Variants in IGF1R observed in about 807,000 individuals in gnomAD.
The protein encoded by IGF1R is insulin like growth factor 1 receptor.
In IGF1R, 44 loss-of-function variants were observed where a neutral mutation model predicts 144.6. That is an observed-to-expected ratio of 0.30 (90% CI 0.24 to 0.39). IGF1R has a LOEUF of 0.39. IGF1R is among the 10% of genes least tolerant of loss of function. The pLI, the probability that IGF1R is intolerant of heterozygous loss-of-function variation, is 1.00. For synonymous variants in IGF1R, 795 were observed against 722.8 expected, an observed-to-expected ratio of 1.10 and a Z score of -1.60; for missense variants, 1,355 against 1,833.7, an observed-to-expected ratio of 0.74 and a Z score of 4.77.
At chr15:98,696,167 A>G (rs1282779190) in intron 1 of IGF1R, among the ~76,000 whole-genome samples, 1 of 151,134 alleles carries the variant, frequency 6.6e-6, no homozygotes, top group Non-Finnish European at 1.5e-5. Context: ...AATAGCATTT[A>G]TTTCCTCTCT....
chr15:98,884,790 G>A (rs925279124), intron 2 of IGF1R, among the ~76,000 whole-genome samples: 4 of 151,674 alleles, frequency 2.6e-5, no homozygotes. Context: ...CTCTTGATCT[G>A]GGCTACTGAG....
chr15:98,939,179 A>C, intron 17 of IGF1R, 22 bp from the exon 18 acceptor site: 1 of 1,610,774 alleles, frequency 6.2e-7, no homozygotes, highest in South Asian at 1.1e-5. Flanking sequence ...TTCTCATGTG[A>C]ATTTTTTTAA....
At chr15:98,835,258 AC>A (rs2057079145) in intron 2 of IGF1R, among the ~76,000 whole-genome samples, 1 of 152,008 alleles carries the variant, frequency 6.6e-6, no homozygotes, top group South Asian at 2.1e-4. Context: ...AGAGGCTACA[AC>A]AACTGTAGCA....
intron 1 of IGF1R, among the ~76,000 whole-genome samples, chr15:98,690,892 A>G (rs1406965530): frequency 6.6e-6 from 1 of 152,218 alleles, no homozygotes; most frequent in African/African-American, 2.4e-5. Context: ...GTACTTTTTA[A>G]AAAAACATTT....
intron 2 of IGF1R, among the ~76,000 whole-genome samples, chr15:98,772,800 GT>G (rs75232877): frequency 6.6e-6 from 1 of 151,476 alleles, no homozygotes; most frequent in East Asian, 1.9e-4. Context: ...ATGATTTGGT[GT>G]TTTTTCCAGG....
At chr15:98,839,716 G>A (rs2011142560) in intron 2 of IGF1R, among the ~76,000 whole-genome samples, 1 of 152,178 alleles carries the variant, frequency 6.6e-6, no homozygotes, top group Non-Finnish European at 1.5e-5. Flanking sequence ...ACAGATCTGA[G>A]GGCATCCAGA....
At chr15:98,821,918 C>G (rs2141480169) in intron 2 of IGF1R, among the ~76,000 whole-genome samples, 1 of 152,296 alleles carries the variant, frequency 6.6e-6, no homozygotes, top group Non-Finnish European at 1.5e-5. Context: ...AATTCCCACT[C>G]CAGGCCAACT....
At chr15:98,788,048 CTCTCT>C (rs2056039719) in intron 2 of IGF1R, among the ~76,000 whole-genome samples, 1 of 139,468 alleles carries the variant, frequency 7.2e-6, no homozygotes, top group Admixed American at 6.9e-5. Context: ...CTCTCTCTCT[CTCTCT>C]CTCTCTCTCT....
At chr15:98,898,992 TTTC>T (rs2014338979) in intron 4 of IGF1R, among the ~76,000 whole-genome samples, 1 of 152,232 alleles carries the variant, frequency 6.6e-6, no homozygotes, top group Non-Finnish European at 1.5e-5. Context: ...TTTGGTGTAT[TTTC>T]TTCAAGTCTT....
chr15:98,863,487 A>G (rs900972435), intron 2 of IGF1R, among the ~76,000 whole-genome samples: 1 of 152,046 alleles, frequency 6.6e-6, no homozygotes, highest in Non-Finnish European at 1.5e-5. Context: ...CCAAATGGTG[A>G]TTTTCTATTT....
chr15:98,909,261 C>CTTT lies in IGF1R; in HGVS notation c.1462+378_1462+380dup, dbSNP rs752298130. ...TCTTTTCTTTTTTTTCTTTTTTTTT[C>CTTT]TTTTTTTTTTTTTTTTTTGAGATGG... On this transcript the variant is annotated intron_variant, in intron 6 of 20. Coordinates refer to ENST00000650285, the MANE Select transcript of IGF1R (RefSeq NM_000875.5). Among the ~76,000 whole-genome samples the CTTT allele has an allele frequency of 3.0e-3, 275 of 91,740 alleles. 8 individuals carry two copies. The highest frequency in any genetic ancestry group is 0.013 in the African/African-American group (259 of 20,056). 60.2% of individuals were successfully genotyped at this position (91,740 alleles called of 152,430 possible).
At chr15:98,865,649 A>G (rs953766204) in intron 2 of IGF1R, among the ~76,000 whole-genome samples, 4 of 152,104 alleles carry the variant, frequency 2.6e-5, no homozygotes, top group Non-Finnish European at 5.9e-5. Context: ...TAATTTTGAT[A>G]TTTGGAAATG....
intron 1 of IGF1R, among the ~76,000 whole-genome samples, chr15:98,678,006 A>G (rs375137660): frequency 4.1e-4 from 63 of 152,284 alleles, no homozygotes; most frequent in African/African-American, 1.5e-3. Flanking sequence ...CTGTTTCTCA[A>G]TGTGTAAGGC....
At chr15:98,671,421 C>T (rs775909685) in intron 1 of IGF1R, among the ~76,000 whole-genome samples, 5 of 152,156 alleles carry the variant, frequency 3.3e-5, no homozygotes, top group African/African-American at 7.2e-5. Flanking sequence ...CTCTCCTTAG[C>T]AGCATTGTAA....
At chr15:98,718,702 G>A (rs1196590858) in intron 2 of IGF1R, among the ~76,000 whole-genome samples, 1 of 152,226 alleles carries the variant, frequency 6.6e-6, no homozygotes, top group African/African-American at 2.4e-5. Flanking sequence ...CAGCTGCTGA[G>A]ACCAGGAGTT....
chr15:98,679,669 T>G (rs939649249), intron 1 of IGF1R, among the ~76,000 whole-genome samples: 2 of 144,046 alleles, frequency 1.4e-5, no homozygotes, highest in African/African-American at 5.5e-5. Flanking sequence ...GTGTATGTAT[T>G]TACTATGCTG....
intron 2 of IGF1R, among the ~76,000 whole-genome samples, chr15:98,835,072 AC>A (rs1038762634): frequency 1.1e-5 from 1 of 91,410 alleles, no homozygotes; most frequent in Non-Finnish European, 2.2e-5. Flanking sequence ...GCAAGAGAAC[AC>A]CCCCCCTACA....
At chr15:98,846,696 G>A (rs759173691) in intron 2 of IGF1R, among the ~76,000 whole-genome samples, 1 of 152,214 alleles carries the variant, frequency 6.6e-6, no homozygotes, top group Non-Finnish European at 1.5e-5. Flanking sequence ...CCAGTTCATC[G>A]AGAGGGGCAG....
intron 15 of IGF1R, among the ~76,000 whole-genome samples, chr15:98,931,167 C>T (rs891419380): frequency 1.3e-5 from 2 of 152,164 alleles, no homozygotes; most frequent in African/African-American, 4.8e-5. Flanking sequence ...AATGGAATCA[C>T]TGTGGAAAGG....
Sources: gnomAD v4.1 joint callset for allele counts (sites outside exome capture counted in the v4.1 genomes callset) on GRCh38, gnomAD v4.1.1 for gene constraint, MANE v1.5 for transcripts, NCBI Gene and HGNC (gene_info 2026-07-23, HGNC 2026-07-21) for gene names.